KCNQ1: variants seen among roughly 807,000 people sequenced by gnomAD.
The protein encoded by KCNQ1 is potassium voltage-gated channel subfamily KQT member 1.
KCNQ1 carries 49 observed loss-of-function variants against 72.4 expected under a neutral mutation model. The ratio of observed to expected loss-of-function variants is 0.68; its 90% confidence interval spans 0.54 to 0.86. The LOEUF (loss-of-function observed/expected upper bound fraction) is 0.86, where lower values mean the gene tolerates loss of function less well. Ranked by LOEUF, KCNQ1 falls within the 40% of genes least tolerant of loss-of-function variation. The probability of loss-of-function intolerance (pLI) is 0.00; values close to 1 mark genes in which losing one functional copy is unlikely to be tolerated. For missense variants in KCNQ1, 790 were observed against 945.1 expected (o/e 0.84, Z 2.15); for synonymous variants, 450 against 412.6 (o/e 1.09, Z -1.10).
chr11:2,578,865 A>C (rs1848459486), intron 6 of KCNQ1, among the ~76,000 whole-genome samples: 1 of 152,218 alleles, frequency 6.6e-6, no homozygotes, highest in Admixed American at 6.5e-5. Context: ...TGGGTCCTGC[A>C]GGCCTTGGTC....
Position 2,679,047 on chromosome 11 carries a change from T to C in KCNQ1, c.1514+16966T>C, listed in dbSNP as rs1421645743. 8 of 398,496 alleles carry C rather than the reference T, an allele frequency of 2.0e-5. No homozygotes were observed. The highest frequency in any genetic ancestry group is 1.1e-4 in the East Asian group (3 of 28,096). 24.7% of individuals were successfully genotyped at this position (398,496 alleles called of 1,614,324 possible). ...AACTTGTAGCCCAGCCCCTCCTCCA[T>C]ACCAACCACCAAAAAAACCCACTAA... On this transcript the variant is annotated intron_variant, in intron 11 of 15. Coordinates refer to ENST00000155840, the MANE Select transcript of KCNQ1 (RefSeq NM_000218.3). The surrounding 1 kb of genome is among the most constrained non-coding windows in gnomAD (Gnocchi z 4.8).
chr11:2,823,480 C>A (rs1407749314), intron 15 of KCNQ1, among the ~76,000 whole-genome samples: 2 of 152,064 alleles, frequency 1.3e-5, no homozygotes, highest in African/African-American at 4.8e-5. Context: ...TGGGAGGAAA[C>A]CAGGGAAAAG....
chr11:2,848,016 G>A lies in KCNQ1; in HGVS notation c.*13G>A. 1.3e-6 allele frequency: 2 copies of A among 1,534,050 alleles called. No homozygotes were observed. The highest frequency in any genetic ancestry group is 1.8e-6 in the Non-Finnish European group (2 of 1,138,032). On this transcript the variant is annotated 3_prime_UTR_variant, in exon 16 of 16. Coordinates refer to ENST00000155840, the MANE Select transcript of KCNQ1 (RefSeq NM_000218.3). ...TGAGGGGTCCTGAGGAGGGGATGGG[G>A]CTGGGGGATGGGCCTGAGTGAGAGG...
Position 2,774,334 on chromosome 11 carries a change from C to T in KCNQ1, c.1591-1626C>T, listed in dbSNP as rs35930962. On this transcript the variant is annotated intron_variant, in intron 12 of 15. Coordinates refer to ENST00000155840, the MANE Select transcript of KCNQ1 (RefSeq NM_000218.3). ...TTGGTGTGTCATTTCTGGGCAATGC[C>T]GGCGATCCTGGTGCCCAGTGTGGCC... 6.7e-3 allele frequency among the ~76,000 whole-genome samples: 1,023 copies of T among 152,316 alleles called. 14 individuals are homozygous for T. Among genetic ancestry groups the T allele is most frequent in the African/African-American group, 0.023 (948 of 41,554 alleles).
At position 2,658,999 on chromosome 11, in the gene KCNQ1, G is replaced by A. The variant is rs1849902123; in HGVS notation, c.1394-2962G>A. 4 of 398,366 alleles carry A rather than the reference G, an allele frequency of 1.0e-5. No homozygotes were observed. The East Asian group carries it at 1.4e-4, about 14-fold the overall frequency. 24.7% of individuals were successfully genotyped at this position (398,366 alleles called of 1,614,324 possible). A position where few individuals can be genotyped will look rare whatever the true frequency, so the allele number is the denominator to read the frequency against. On this transcript the variant is annotated intron_variant, in intron 10 of 15. Transcript: ENST00000155840. This position sits in a 1 kb window ranked among gnomAD's most constrained non-coding sequence, Gnocchi z 4.9. ...TCCAGTCAAAACAGTGTTTTTGAAA[G>A]CAACATATGCCAGCTCCTCCTCCTC...
chr11:2,699,918 C>T, intron 11 of KCNQ1: 2 of 398,396 alleles, frequency 5.0e-6, no homozygotes, highest in Non-Finnish European at 4.4e-6. Context: ...GGCAGAATCG[C>T]GCTGAGGGGC....
At chr11:2,838,385 G>A (rs893169389) in intron 15 of KCNQ1, among the ~76,000 whole-genome samples, 2 of 152,182 alleles carry the variant, frequency 1.3e-5, no homozygotes, top group African/African-American at 4.8e-5. Flanking sequence ...GCCAGGGATG[G>A]GGGCTGGGCC....
At chr11:2,757,948 A>G (rs928440280) in intron 11 of KCNQ1, among the ~76,000 whole-genome samples, 7 of 61,754 alleles carry the variant, frequency 1.1e-4, no homozygotes, top group Admixed American at 1.1e-3. Context: ...TGAAGTGTAC[A>G]ACTCTGAAAC....
At position 2,458,966 on chromosome 11, in the gene KCNQ1, C is replaced by T. The variant is rs1318058717; in HGVS notation, c.386+13482C>T. Among the ~76,000 whole-genome samples the T allele has an allele frequency of 1.3e-5, 2 of 152,236 alleles. No homozygotes were observed. The highest frequency in any genetic ancestry group is 2.9e-5 in the Non-Finnish European group (2 of 68,042). On this transcript the variant is annotated intron_variant, in intron 1 of 15. Transcript: ENST00000155840. This position sits in a 1 kb window ranked among gnomAD's most constrained non-coding sequence, Gnocchi z 4.6. ...ATTGGATTAAATTACTTCTGGTTTGCTGCATGTTCCATTTTTGCCCATGCC... is the reference window on the plus strand; with the variant it reads ...ATTGGATTAAATTACTTCTGGTTTGTTGCATGTTCCATTTTTGCCCATGCC...
chr11:2,581,869 G>A (rs1249038035), intron 6 of KCNQ1, among the ~76,000 whole-genome samples: 1 of 152,212 alleles, frequency 6.6e-6, no homozygotes, highest in African/African-American at 2.4e-5. Context: ...CATTGTGTGT[G>A]TGGCAGGGGC....
At chr11:2,641,376 A>G in intron 10 of KCNQ1, 1 of 398,058 alleles carries the variant, frequency 2.5e-6, no homozygotes, top group Non-Finnish European at 4.4e-6. Flanking sequence ...CATTTCCCTT[A>G]TAATTACTGA....
Position 2,664,423 on chromosome 11 carries a change from G to A in KCNQ1, c.1514+2342G>A. 1 of 398,636 alleles carries A rather than the reference G, an allele frequency of 2.5e-6. No homozygotes were observed. The highest frequency in any genetic ancestry group is 4.4e-6 in the Non-Finnish European group (1 of 226,098). 24.7% of individuals were successfully genotyped at this position (398,636 alleles called of 1,614,324 possible). ...GGGAGAGTGGGCACGTACAGTGTCA[G>A]GGCCTAGGAACCCAGGCTCCTCTGG... On this transcript the variant is annotated intron_variant, in intron 11 of 15. Coordinates refer to ENST00000155840, the MANE Select transcript of KCNQ1 (RefSeq NM_000218.3). This position sits in a 1 kb window ranked among gnomAD's most constrained non-coding sequence, Gnocchi z 5.1.
Position 2,447,951 on chromosome 11 carries a change from C to T in KCNQ1, c.386+2467C>T, listed in dbSNP as rs867008953. Reference sequence around the variant, plus strand: ...CAGGAGAGCAGCTCTTCCTGTGTTCCTTCTGGCCTCCCTGGGCTGGCCGGG... The same window carrying T: ...CAGGAGAGCAGCTCTTCCTGTGTTCTTTCTGGCCTCCCTGGGCTGGCCGGG... On this transcript the variant is annotated intron_variant, in intron 1 of 15. Coordinates refer to ENST00000155840, the MANE Select transcript of KCNQ1 (RefSeq NM_000218.3). This position sits in a 1 kb window ranked among gnomAD's most constrained non-coding sequence, Gnocchi z 7.6. 7.9e-5 allele frequency among the ~76,000 whole-genome samples: 12 copies of T among 152,190 alleles called. No individual in the cohort carries two copies. Among genetic ancestry groups the T allele is most frequent in the Non-Finnish European group, 5.9e-5 (4 of 68,014 alleles).
chr11:2,508,038 G>A lies in KCNQ1; in HGVS notation c.387-19890G>A, dbSNP rs945537230. The stretch of plus-strand genomic sequence containing the variant: ...TCCCAGCCCCGTACATGGAGGCTGG[G>A]ACCCTGCCCTGAAACCTCTCAGACA... On this transcript the variant is annotated intron_variant, in intron 1 of 15. Transcript: ENST00000155840. This position sits in a 1 kb window ranked among gnomAD's most constrained non-coding sequence, Gnocchi z 6.2. 2.0e-5 allele frequency among the ~76,000 whole-genome samples: 3 copies of A among 152,098 alleles called. No individual in the cohort carries two copies. The highest frequency in any genetic ancestry group is 4.4e-5 in the Non-Finnish European group (3 of 68,004).
At chr11:2,534,053 T>C (rs1166723354) in intron 2 of KCNQ1, among the ~76,000 whole-genome samples, 1 of 146,370 alleles carries the variant, frequency 6.8e-6, no homozygotes, top group East Asian at 2.3e-4. Context: ...CAGCCTCCAC[T>C]GCCTGGGTTT....
chr11:2,728,557 ACT>A (rs1398628399), intron 11 of KCNQ1, among the ~76,000 whole-genome samples: 9 of 151,722 alleles, frequency 5.9e-5, no homozygotes, highest in South Asian at 2.1e-4. Flanking sequence ...ATTCTAAAAC[ACT>A]CTGGCACAGC....
rs559902211 is a variant in KCNQ1, at chr11:2,621,646, C to G, written c.1393+32792C>G. The G allele has an allele frequency of 2.1e-4, 83 of 398,392 alleles. No individual in the cohort carries two copies. Among genetic ancestry groups the G allele is most frequent in the African/African-American group, 1.5e-3 (73 of 48,698 alleles). The allele number at this position is 398,392 out of a possible 1,614,324, so 24.7% of individuals were successfully genotyped here. ...TTTTCTAGGAATTTGTCCATTTCCT[C>G]TAGGTTATCCAATTTGTTGGGATAT... On this transcript the variant is annotated intron_variant, in intron 10 of 15. Coordinates refer to ENST00000155840, the MANE Select transcript of KCNQ1 (RefSeq NM_000218.3). This position sits in a 1 kb window ranked among gnomAD's most constrained non-coding sequence, Gnocchi z 5.7.
intron 15 of KCNQ1, among the ~76,000 whole-genome samples, chr11:2,837,343 C>A (rs1245478381): frequency 6.6e-6 from 1 of 152,112 alleles, no homozygotes; most frequent in African/African-American, 2.4e-5. Context: ...CCCCTGAGCC[C>A]CTCCCTTCAG....
chr11:2,830,302 C>T lies in KCNQ1; in HGVS notation c.1795-17465C>T, dbSNP rs143801168. Among the ~76,000 whole-genome samples the T allele has an allele frequency of 2.3e-3, 352 of 152,142 alleles. No individual in the cohort carries two copies. Among genetic ancestry groups the T allele is most frequent in the Non-Finnish European group, 4.0e-3 (274 of 67,960 alleles). On this transcript the variant is annotated intron_variant, in intron 15 of 15. Coordinates refer to ENST00000155840, the MANE Select transcript of KCNQ1 (RefSeq NM_000218.3). The surrounding 1 kb of genome is among the most constrained non-coding windows in gnomAD (Gnocchi z 7.7). ...GGACTCACTGGTGGGTGCCTCCTCC[C>T]CACCTTTAGCAAGGGTTGACAGAGG... is the stretch of plus-strand genomic sequence containing the variant.
Sources: gnomAD v4.1 joint callset for allele counts (sites outside exome capture counted in the v4.1 genomes callset) on GRCh38, gnomAD v4.1.1 for gene constraint, Gnocchi (gnomAD v3.1) non-coding constraint, MANE v1.5 for transcripts, NCBI Gene and HGNC (gene_info 2026-07-23, HGNC 2026-07-21) for gene names.